Variants in CCDC66 observed in about 807,000 individuals in gnomAD.
The protein encoded by CCDC66 is coiled-coil domain containing 66, also known as coiled-coil domain-containing protein 66.
Under a neutral mutation model 128.3 loss-of-function variants are expected in CCDC66, and 133 were observed. That is an observed-to-expected ratio of 1.04 (90% CI 0.90 to 1.20). The LOEUF is 1.20. CCDC66 is among the 50% of genes most tolerant of loss of function. The probability of loss-of-function intolerance (pLI) is 0.00; values close to 1 mark genes in which losing one functional copy is unlikely to be tolerated. For missense variants in CCDC66, 1,126 were observed against 1,075.5 expected, an observed-to-expected ratio of 1.05 and a Z score of -0.66; for synonymous variants, 387 against 357.0, an observed-to-expected ratio of 1.08 and a Z score of -0.95.
In CCDC66 at chr3:56,616,019, T is replaced by C; in HGVS notation, c.1809T>C (p.Ser603=). The C allele has an allele frequency of 1.3e-6, 2 of 1,512,812 alleles. No individual in the cohort carries two copies. The highest frequency in any genetic ancestry group is 2.3e-5 in the African/African-American group (1 of 43,804). The allele number at this position is 1,512,812 out of a possible 1,614,324, so 93.7% of individuals were successfully genotyped here. A position where few individuals can be genotyped will look rare whatever the true frequency, so the allele number is the denominator to read the frequency against. Residue 603 remains serine, a synonymous_variant, in exon 13 of 18, where the codon TCT becomes TCC. Transcript: ENST00000394672. ...GTAAAATGAATACATATATGAATTC[T>C]ACGACTTCTAAGAAGGATACTGGTG... ...ISGKMNTYMN[S]TTSKKDTGVQ... is the part of the protein sequence containing the mutation.
chr3:56,614,552 A>G (rs1323349370), intron 11 of CCDC66, among the ~76,000 whole-genome samples: 14 of 152,228 alleles, frequency 9.2e-5, no homozygotes, highest in Admixed American at 9.2e-4. Flanking sequence ...AGTGGTGCAG[A>G]CAAGATAGGT....
chr3:56,580,140 A>G (rs2068080760), intron 7 of CCDC66, among the ~76,000 whole-genome samples: 1 of 151,630 alleles, frequency 6.6e-6, no homozygotes, highest in Non-Finnish European at 1.5e-5. Context: ...TTCTTGTTGA[A>G]TTGATCCCTT....
intron 10 of CCDC66, among the ~76,000 whole-genome samples, chr3:56,609,869 A>AT (rs1269559709): frequency 6.6e-6 from 1 of 152,116 alleles, no homozygotes; most frequent in Non-Finnish European, 1.5e-5. Context: ...TTGGCTGATA[A>AT]TTTTTTTGTT....
intron 7 of CCDC66, among the ~76,000 whole-genome samples, chr3:56,583,021 G>A (rs1470261248): frequency 6.6e-6 from 1 of 151,202 alleles, no homozygotes; most frequent in Non-Finnish European, 1.5e-5. Flanking sequence ...GGGACTACAG[G>A]TACCTGCCAC....
intron 7 of CCDC66, among the ~76,000 whole-genome samples, chr3:56,580,895 G>A (rs1388323876): frequency 6.6e-6 from 1 of 151,736 alleles, no homozygotes. Context: ...TCTTGGGGTT[G>A]CTCTTCTTGA....
At position 56,566,722 on chromosome 3, in the gene CCDC66, C is replaced by T; in HGVS notation, c.673C>T (p.Gln225Ter). 6.2e-7 allele frequency: 1 copy of T among 1,613,628 alleles called. No individual in the cohort carries two copies. Among genetic ancestry groups the T allele is most frequent in the South Asian group, 1.1e-5 (1 of 90,980 alleles). The change falls in exon 5 of 18, where the codon CAG (glutamine) becomes TAG (stop). Residue 225 changes from glutamine to a stop codon, truncating the protein, a stop_gained. Coordinates refer to ENST00000394672, the MANE Select transcript of CCDC66 (RefSeq NM_001141947.3). LOFTEE classifies it high-confidence loss of function. ...AENKSVLNEH[Q>*]ETSKQCEQKI... ...AAATAAATCTGTCTTAAATGAACAT[C>T]AGGAGACATCTAAACAGTGTGAGCA...
intron 10 of CCDC66, among the ~76,000 whole-genome samples, chr3:56,603,541 T>G (rs2073588510): frequency 1.3e-5 from 2 of 151,968 alleles, no homozygotes; most frequent in Admixed American, 6.6e-5. Flanking sequence ...ATTTCGTTAT[T>G]TACCCAGTAG....
In CCDC66 at chr3:56,616,264, G is replaced by A. The variant is rs1416333447; in HGVS notation, c.1843+211G>A. ...TTAGTCTTTTTTGGTATTCAGTGGT[G>A]CAACCATTACCACAATCAATTCTAA... is the stretch of plus-strand genomic sequence containing the variant. On this transcript the variant is annotated intron_variant, in intron 13 of 17. Coordinates refer to ENST00000394672, the MANE Select transcript of CCDC66 (RefSeq NM_001141947.3). 20 of 427,556 alleles carry A rather than the reference G, an allele frequency of 4.7e-5. 1 individual carries two copies. Among genetic ancestry groups the A allele is most frequent in the South Asian group, 3.8e-4 (16 of 41,964 alleles). The allele number at this position is 427,556 out of a possible 1,614,324, so 26.5% of individuals were successfully genotyped here. A position where few individuals can be genotyped will look rare whatever the true frequency, so the allele number is the denominator to read the frequency against.
At chr3:56,603,633 G>T (rs1010644615) in intron 10 of CCDC66, among the ~76,000 whole-genome samples, 2 of 152,068 alleles carry the variant, frequency 1.3e-5, no homozygotes, top group African/African-American at 2.4e-5. Context: ...TAATTTGATT[G>T]CACTGTGGTC....
intron 10 of CCDC66, among the ~76,000 whole-genome samples, chr3:56,594,526 C>T (rs2071515633): frequency 6.6e-6 from 1 of 151,732 alleles, no homozygotes; most frequent in East Asian, 1.9e-4. Flanking sequence ...ACTAAAAATA[C>T]AAAAAATTAG....
In CCDC66 at chr3:56,617,377, GAATATAAAT is replaced by G. The variant is rs763433448; in HGVS notation, c.2112_2120del (p.Asn704_Asn706del). ...AGAAATATCCTAAAAGGCCTGATTG[GAATATAAAT>G]AAGCCACCTAAAAGGTATATTCCAG... On this transcript the variant is annotated inframe_deletion, in exon 14 of 18. Transcript: ENST00000394672. 11 of 1,613,562 alleles carry G rather than the reference GAATATAAAT, an allele frequency of 6.8e-6. No homozygotes were observed. In the African/African-American group the frequency reaches 1.3e-4, roughly 20 times the overall value.
In CCDC66 at chr3:56,593,986, T is replaced by TGAG. The variant is rs2071396321; in HGVS notation, c.1365_1367dup (p.Glu456dup). ...CTGCTCTCTTGGACCCAGCTCAGAT[T>TGAG]GAGGAACGAGACAGACGACGACAAA... On this transcript the variant is annotated inframe_insertion, in exon 10 of 18. Coordinates refer to ENST00000394672, the MANE Select transcript of CCDC66 (RefSeq NM_001141947.3). 2 of 1,614,208 alleles carry TGAG rather than the reference T, an allele frequency of 1.2e-6. No homozygotes were observed. The highest frequency in any genetic ancestry group is 2.2e-5 in the South Asian group (2 of 91,088).
intron 7 of CCDC66, among the ~76,000 whole-genome samples, chr3:56,581,685 G>T (rs2068398793): frequency 6.6e-6 from 1 of 151,848 alleles, no homozygotes; most frequent in Non-Finnish European, 1.5e-5. Flanking sequence ...GTCCACTCCA[G>T]ATCCTGTTTG....
At chr3:56,559,460 T>A (rs946070732) in intron 2 of CCDC66, 109 bp from the exon 3 acceptor site, 3 of 685,650 alleles carry the variant, frequency 4.4e-6, no homozygotes, top group African/African-American at 3.8e-5. Context: ...CTTTCGAGGA[T>A]AATGTTGCTA....
At position 56,593,659 on chromosome 3, in the gene CCDC66, G is replaced by A. The variant is rs746252416; in HGVS notation, c.1237G>A (p.Gly413Arg). 1.1e-5 allele frequency: 18 copies of A among 1,613,972 alleles called. No individual in the cohort carries two copies. The highest frequency in any genetic ancestry group is 4.4e-5 in the South Asian group (4 of 91,084). ...DVSSVCTPTT[G>R]SQVEPSEEEH... ...CAGCAGTGTTTGTACACCTACAACCGGAAGCCAGGTTGAACCTTCAGAGGA... is the reference window on the plus strand; with the variant it reads ...CAGCAGTGTTTGTACACCTACAACCAGAAGCCAGGTTGAACCTTCAGAGGA... The change falls in exon 9 of 18, where the codon GGA (glycine) becomes AGA (arginine). Residue 413 changes from glycine to arginine, a missense_variant. Gly to Arg is a moderately radical substitution (Grantham distance 125). Transcript: ENST00000394672.
At chr3:56,614,199 G>C (rs781403594) in intron 11 of CCDC66, among the ~76,000 whole-genome samples, 1 of 152,210 alleles carries the variant, frequency 6.6e-6, no homozygotes, top group African/African-American at 2.4e-5. Flanking sequence ...AGAAGCTTGA[G>C]AAAGTTTTAT....
intron 6 of CCDC66, chr3:56,569,633 T>C (rs1457918476): frequency 6.6e-6 from 1 of 150,414 alleles, no homozygotes; most frequent in East Asian, 1.9e-4. Context: ...AACTGTATCA[T>C]CAAGGTAAAA....
rs1283541245 is a variant in CCDC66, at chr3:56,617,347, C to A, written c.2079C>A (p.His693Gln). Reference sequence around the variant, plus strand: ...CAAGAATAGAGAAACAAACAAAACACATGAAGAAATATCCTAAAAGGCCTG... The same window carrying A: ...CAAGAATAGAGAAACAAACAAAACAAATGAAGAAATATCCTAAAAGGCCTG... ...QFTRIEKQTK[H>Q]MKKYPKRPDW... Residue 693 changes from histidine to glutamine, a missense_variant, in exon 14 of 18, where the codon CAC becomes CAA. By Grantham distance (24) the His-to-Gln change is conservative. Transcript: ENST00000394672. The A allele has an allele frequency of 6.2e-7, 1 of 1,612,814 alleles. No homozygotes were observed.
At chr3:56,562,457 A>G (rs1399910241) in intron 3 of CCDC66, among the ~76,000 whole-genome samples, 2 of 152,182 alleles carry the variant, frequency 1.3e-5, no homozygotes, top group Non-Finnish European at 2.9e-5. Flanking sequence ...CAGATAATAC[A>G]GTATCATAAG....
Sources: gnomAD v4.1 joint callset for allele counts (sites outside exome capture counted in the v4.1 genomes callset) on GRCh38, gnomAD v4.1.1 for gene constraint, MANE v1.5 for transcripts, NCBI Gene and HGNC (gene_info 2026-07-23, HGNC 2026-07-21) for gene names.